NIPAL2: variants seen among roughly 807,000 people sequenced by gnomAD.
NIPAL2 encodes the protein NIPA like domain containing 2.
NIPAL2 carries 43 observed loss-of-function variants against 48.9 expected under a neutral mutation model. The ratio of observed to expected loss-of-function variants is 0.88; its 90% CI spans 0.69 to 1.13. The LOEUF (loss-of-function observed/expected upper bound fraction) is 1.13. NIPAL2 is among the 50% of genes most tolerant of loss of function. NIPAL2 has a pLI of 0.00. For synonymous variants in NIPAL2, 167 were observed against 174.6 expected, an observed-to-expected ratio of 0.96 and a Z score of 0.34; for missense variants, 446 against 461.4, an observed-to-expected ratio of 0.97 and a Z score of 0.31.
chr8:98,208,597 C>T (rs777326508), intron 6 of NIPAL2, among the ~76,000 whole-genome samples: 32 of 152,098 alleles, frequency 2.1e-4, no homozygotes, highest in Non-Finnish European at 3.4e-4. Context: ...TACAGGCACC[C>T]ACAACCACAC....
At chr8:98,225,286 T>A (rs1257140427) in intron 4 of NIPAL2, among the ~76,000 whole-genome samples, 1 of 152,246 alleles carries the variant, frequency 6.6e-6, no homozygotes, top group East Asian at 1.9e-4. Flanking sequence ...CTGTCCCCTT[T>A]ATGAGTTGTA....
intron 1 of NIPAL2, among the ~76,000 whole-genome samples, chr8:98,290,188 T>A (rs1026367842): frequency 6.6e-6 from 1 of 152,206 alleles, no homozygotes; most frequent in Admixed American, 6.5e-5. Flanking sequence ...ATAACAGCTA[T>A]AAAGTGTCAC....
chr8:98,285,733 C>CT lies in NIPAL2; in HGVS notation c.135+8269dup, dbSNP rs564675301. Among the ~76,000 whole-genome samples the CT allele has an allele frequency of 3.4e-3, 507 of 148,702 alleles. 4 individuals carry two copies. In the South Asian group the frequency reaches 0.044, roughly 13 times the overall value. On this transcript the variant is annotated intron_variant, in intron 1 of 10. Transcript: ENST00000430223. ...TCAGTTAAAGTTAGTTTCTTTCTTTCTTTTTTTTTTGTAACTTGCAACCTA... is the reference window on the plus strand; with the variant it reads ...TCAGTTAAAGTTAGTTTCTTTCTTTCTTTTTTTTTTTGTAACTTGCAACCTA...
chr8:98,223,839 T>C (rs1671275041), intron 4 of NIPAL2, among the ~76,000 whole-genome samples: 6 of 152,192 alleles, frequency 3.9e-5, no homozygotes, highest in Admixed American at 3.9e-4. Context: ...CAAAAAACAG[T>C]ATACATTATT....
intron 1 of NIPAL2, among the ~76,000 whole-genome samples, chr8:98,260,814 C>T (rs1193761512): frequency 6.6e-6 from 1 of 152,242 alleles, no homozygotes; most frequent in Admixed American, 6.5e-5. Context: ...GTAGGCTCCA[C>T]CTCTGGGGGC....
chr8:98,232,581 T>A (rs774968986), intron 4 of NIPAL2, among the ~76,000 whole-genome samples: 1 of 152,194 alleles, frequency 6.6e-6, no homozygotes, highest in Non-Finnish European at 1.5e-5. Context: ...CTGTGAGGTA[T>A]GTAATATTAT....
chr8:98,271,065 T>A (rs1356362906), intron 1 of NIPAL2, among the ~76,000 whole-genome samples: 2 of 152,196 alleles, frequency 1.3e-5, no homozygotes, highest in Admixed American at 1.3e-4. Context: ...ATGTCTATTT[T>A]TGTACCAGTA....
Position 98,196,020 on chromosome 8 carries a change from A to T in NIPAL2, c.881-15T>A. 6.7e-7 allele frequency: 1 copy of T among 1,487,836 alleles called. No individual in the cohort carries two copies. Among genetic ancestry groups the T allele is most frequent in the South Asian group, 1.2e-5 (1 of 81,324 alleles). The allele number at this position is 1,487,836 out of a possible 1,614,324, so 92.2% of individuals were successfully genotyped here. ...AAATATGATACCTGTAACACAGGAA[A>T]AGAAGACAAAATTGATTTTGAAGTA... On this transcript the variant is annotated splice_polypyrimidine_tract_variant and intron_variant, in intron 8 of 10. Transcript: ENST00000430223.
At chr8:98,206,263 A>G (rs1811027897) in intron 6 of NIPAL2, among the ~76,000 whole-genome samples, 1 of 152,082 alleles carries the variant, frequency 6.6e-6, no homozygotes, top group Admixed American at 6.6e-5. Context: ...GTCATAATAT[A>G]TCTGAGTTTC....
At chr8:98,208,171 C>T (rs901836621) in intron 6 of NIPAL2, among the ~76,000 whole-genome samples, 1 of 152,168 alleles carries the variant, frequency 6.6e-6, no homozygotes, top group Admixed American at 6.5e-5. Context: ...TCTCTATTTT[C>T]GTAATTGTCA....
intron 7 of NIPAL2, among the ~76,000 whole-genome samples, chr8:98,203,490 C>CGA (rs1250690799): frequency 6.6e-6 from 1 of 152,206 alleles, no homozygotes; most frequent in Non-Finnish European, 1.5e-5. Flanking sequence ...ACCAGTATCA[C>CGA]ACTGGGCCTG....
rs1810471871 is a variant in NIPAL2, at chr8:98,194,836, A to C, written c.945-14T>G. The C allele has an allele frequency of 6.8e-7, 1 of 1,462,326 alleles. No homozygotes were observed. The highest frequency in any genetic ancestry group is 1.4e-5 in the South Asian group (1 of 72,962). The allele number at this position is 1,462,326 out of a possible 1,614,324, so 90.6% of individuals were successfully genotyped here. ...GACAGAAAACACCTGTAAGGATAAT[A>C]TTAATAAAGAATACAAGAACACTGA... On this transcript the variant is annotated splice_polypyrimidine_tract_variant and intron_variant, in intron 9 of 10. Coordinates refer to ENST00000430223, the MANE Select transcript of NIPAL2 (RefSeq NM_001321635.2).
At chr8:98,259,640 C>T (rs142014533) in intron 1 of NIPAL2, among the ~76,000 whole-genome samples, 4 of 152,290 alleles carry the variant, frequency 2.6e-5, no homozygotes, top group South Asian at 2.1e-4. Context: ...AGCGAAAGTA[C>T]GCTAGTTCCA....
At chr8:98,259,162 C>T (rs950389293) in intron 1 of NIPAL2, among the ~76,000 whole-genome samples, 10 of 141,140 alleles carry the variant, frequency 7.1e-5, no homozygotes, top group Non-Finnish European at 7.5e-5. Context: ...CTGCAAGCTC[C>T]GCCTCCCGGG....
intron 1 of NIPAL2, among the ~76,000 whole-genome samples, chr8:98,261,504 G>A (rs1302134824): frequency 6.5e-5 from 9 of 138,618 alleles, no homozygotes; most frequent in Non-Finnish European, 9.4e-5. Flanking sequence ...GAGCCGATGC[G>A]ATCAACTGGA....
At chr8:98,261,480 T>C (rs1301738766) in intron 1 of NIPAL2, among the ~76,000 whole-genome samples, 1 of 146,344 alleles carries the variant, frequency 6.8e-6, no homozygotes, top group Non-Finnish European at 1.5e-5. Context: ...ACGTGAAGAA[T>C]GCAGAAGCCT....
intron 5 of NIPAL2, among the ~76,000 whole-genome samples, chr8:98,217,979 G>T (rs1351337264): frequency 1.3e-5 from 2 of 152,150 alleles, no homozygotes; most frequent in African/African-American, 4.8e-5. Flanking sequence ...TATTTTAAGA[G>T]TTGATTTTGG....
intron 1 of NIPAL2, among the ~76,000 whole-genome samples, chr8:98,279,207 T>C (rs1367926450): frequency 1.3e-5 from 2 of 152,154 alleles, no homozygotes; most frequent in Non-Finnish European, 2.9e-5. Flanking sequence ...AACTTCAAAT[T>C]TGCAATGCTT....
Position 98,192,285 on chromosome 8 carries a change from T to C in NIPAL2, c.*693A>G, listed in dbSNP as rs188119210. On this transcript the variant is annotated 3_prime_UTR_variant, in exon 11 of 11. Coordinates refer to ENST00000430223, the MANE Select transcript of NIPAL2 (RefSeq NM_001321635.2). ...AATCTCTGCATTGTTCCTATTTTAG[T>C]ACATGGGCTACTGAAACAAGCAGAG... is the stretch of plus-strand genomic sequence containing the variant. The C allele has an allele frequency of 2.0e-5, 3 of 152,350 alleles. No individual in the cohort carries two copies. The highest frequency in any genetic ancestry group is 2.1e-4 in the South Asian group (1 of 4,826). The allele number at this position is 152,350 out of a possible 1,614,324, so 9.4% of individuals were successfully genotyped here.
Sources: gnomAD v4.1 joint callset for allele counts (sites outside exome capture counted in the v4.1 genomes callset) on GRCh38, gnomAD v4.1.1 for gene constraint, MANE v1.5 for transcripts, NCBI Gene and HGNC (gene_info 2026-07-23, HGNC 2026-07-21) for gene names.